RNF213: variants seen among roughly 807,000 people sequenced by gnomAD.
The protein encoded by RNF213 is ring finger protein 213, also known as E3 ubiquitin-protein ligase RNF213.
In RNF213, 341 loss-of-function variants were observed where a neutral mutation model predicts 514.4. The observed-to-expected ratio is 0.66, with a 90% confidence interval of 0.61 to 0.73. The LOEUF (loss-of-function observed/expected upper bound fraction) is 0.73, where lower values mean the gene tolerates loss of function less well. Ranked by LOEUF, RNF213 falls within the 30% of genes least tolerant of loss-of-function variation. The pLI is 0.00. For missense variants in RNF213, 5,767 were observed against 6,615.6 expected (o/e 0.87, Z 4.45); for synonymous variants, 2,655 against 2,658.2 (o/e 1.00, Z 0.04).
chr17:80,396,200 T>G lies in RNF213; in HGVS notation c.*2702T>G, dbSNP rs935219008. On this transcript the variant is annotated 3_prime_UTR_variant, in exon 68 of 68. Transcript: ENST00000582970. Reference sequence around the variant, plus strand: ...TTGCTTGAGCCTGGGAGTTTGAGGCTGCAGTGAGCTATGATTGCACCACTG... The same window carrying G: ...TTGCTTGAGCCTGGGAGTTTGAGGCGGCAGTGAGCTATGATTGCACCACTG... 6.6e-5 allele frequency: 10 copies of G among 152,258 alleles called. No individual in the cohort carries two copies. The highest frequency in any genetic ancestry group is 2.4e-4 in the African/African-American group (10 of 41,426). The allele number at this position is 152,258 out of a possible 1,614,324, so 9.4% of individuals were successfully genotyped here.
chr17:80,372,474 T>C (rs2079553683), intron 47 of RNF213, 47 bp from the exon 48 acceptor site: 1 of 1,404,002 alleles, frequency 7.1e-7, no homozygotes, highest in Non-Finnish European at 1.0e-6. Context: ...GGGGCATCCA[T>C]GTTTAAAAAA....
At position 80,369,559 on chromosome 17, in the gene RNF213, C is replaced by T. The variant is rs562892184; in HGVS notation, c.12213C>T (p.Asp4071=). The T allele has an allele frequency of 2.5e-4, 400 of 1,614,200 alleles. 6 individuals are homozygous for T. In the South Asian group the frequency reaches 4.2e-3, roughly 17 times the overall value. ...AGATGTGCAACAGTTTCTTCGTAGA[C>T]CTGGTGTCCACCATTTGCTTCAAGG... ...FRQMCNSFFV[D]LVSTICFKDN... is the part of the protein sequence containing the mutation. The change falls in exon 45 of 68, where the codon GAC becomes GAT. Residue 4071 remains aspartate (D), a synonymous_variant. Coordinates refer to ENST00000582970, the MANE Select transcript of RNF213 (RefSeq NM_001256071.3).
intron 15 of RNF213, among the ~76,000 whole-genome samples, chr17:80,313,640 G>A (rs2045661689): frequency 2.0e-5 from 3 of 147,898 alleles, no homozygotes; most frequent in African/African-American, 2.6e-5. Context: ...TGATGGTGGT[G>A]ATGGTGATGG....
chr17:80,316,289 C>T (rs2045946578), intron 15 of RNF213: 1 of 152,052 alleles, frequency 6.6e-6, no homozygotes, highest in Non-Finnish European at 1.5e-5. Context: ...TCATGTGTTT[C>T]AACCTCCTAG....
In RNF213 at chr17:80,377,070, G is replaced by A; in HGVS notation, c.13510+107G>A. The A allele has an allele frequency of 1.1e-6, 1 of 878,288 alleles. No homozygotes were observed. Among genetic ancestry groups the A allele is most frequent in the Non-Finnish European group, 1.9e-6 (1 of 539,460 alleles). 54.4% of individuals were successfully genotyped at this position (878,288 alleles called of 1,614,324 possible). On this transcript the variant is annotated intron_variant, in intron 53 of 67. Transcript: ENST00000582970. This position sits in a 1 kb window ranked among gnomAD's most constrained non-coding sequence, Gnocchi z 4.1. ...TGGGGTCCACGTGGTTTGTGCCTCA[G>A]GGTCCAAAACCACCTGCATTCTACC...
intron 18 of RNF213, 99 bp downstream of exon 18, chr17:80,325,297 A>G (rs1309356663): frequency 1.6e-6 from 2 of 1,214,084 alleles, no homozygotes; most frequent in African/African-American, 3.0e-5. Context: ...ATGATACTGA[A>G]TTGGGATGGG....
At chr17:80,325,274 A>G in intron 18 of RNF213, 76 bp downstream of exon 18, 2 of 1,374,852 alleles carry the variant, frequency 1.5e-6, no homozygotes, top group Non-Finnish European at 1.9e-6. Flanking sequence ...TGGGAGGCAG[A>G]AGATTTGACA....
Position 80,347,569 on chromosome 17 carries a change from A to C in RNF213, c.9234A>C (p.Gln3078His). 2 of 1,614,174 alleles carry C rather than the reference A, an allele frequency of 1.2e-6. No homozygotes were observed. The highest frequency in any genetic ancestry group is 1.7e-6 in the Non-Finnish European group (2 of 1,180,048). Reference sequence around the variant, plus strand: ...TTGGTTCTGGTTTCCCCAAGGACCAAGAGTACACCCAGCTCTGCAGAAACA... The same window carrying C: ...TTGGTTCTGGTTTCCCCAAGGACCACGAGTACACCCAGCTCTGCAGAAACA... ...IIFGSGFPKD[Q>H]EYTQLCRNIN... Residue 3078 changes from glutamine to histidine, a missense_variant, in exon 29 of 68, where the codon CAA (glutamine) becomes CAC (histidine). Gln to His is a conservative substitution (Grantham distance 24). Transcript: ENST00000582970. This position sits in a 1 kb window ranked among gnomAD's most constrained non-coding sequence, Gnocchi z 7.2.
In RNF213 at chr17:80,359,967, G is replaced by C. The variant is rs2078994066; in HGVS notation, c.11055-94G>C. On this transcript the variant is annotated intron_variant, in intron 37 of 67. Transcript: ENST00000582970. ...GCCTGTTGGCCCCTTTGTTTTTGAG[G>C]TCTGAGAAGAGCTGGCATCAGTGGC... 9 of 1,349,496 alleles carry C rather than the reference G, an allele frequency of 6.7e-6. No homozygotes were observed. The South Asian group carries it at 1.1e-4, about 16-fold the overall frequency. 83.6% of individuals were successfully genotyped at this position (1,349,496 alleles called of 1,614,324 possible).
chr17:80,364,595 C>T (rs772180083), intron 42 of RNF213, 42 bp downstream of exon 42: 13 of 1,613,342 alleles, frequency 8.1e-6, no homozygotes, highest in Non-Finnish European at 1.0e-5. Flanking sequence ...CGGATCCACC[C>T]TTTTCCGAAA....
At chr17:80,326,268 G>A (rs2046279370) in intron 18 of RNF213, among the ~76,000 whole-genome samples, 1 of 152,214 alleles carries the variant, frequency 6.6e-6, no homozygotes, top group Non-Finnish European at 1.5e-5. Flanking sequence ...GGCACTCCAG[G>A]CGTGCACCAC....
chr17:80,347,882 T>C lies in RNF213; in HGVS notation c.9547T>C (p.Trp3183Arg), dbSNP rs748258154. ...GGATATCAACACGGTGCTGGAGAAA[T>C]GGCAGAAGAGCATCGTGGAGGAGCT... ...YLDINTVLEK[W>R]QKSIVEELCA... The change falls in exon 29 of 68, where the codon TGG (tryptophan) becomes CGG (arginine). Residue 3183 changes from tryptophan to arginine, a missense_variant. Coordinates refer to ENST00000582970, the MANE Select transcript of RNF213 (RefSeq NM_001256071.3). The surrounding 1 kb of genome is among the most constrained non-coding windows in gnomAD (Gnocchi z 7.2). The C allele has an allele frequency of 3.7e-6, 6 of 1,614,076 alleles. No individual in the cohort carries two copies. In the East Asian group the frequency reaches 1.3e-4, roughly 36 times the overall value.
At chr17:80,277,942 A>T (rs1056624137) in intron 3 of RNF213, among the ~76,000 whole-genome samples, 1 of 152,194 alleles carries the variant, frequency 6.6e-6, no homozygotes. Context: ...GGGTGGGTGG[A>T]GAGGGAAAGG....
chr17:80,340,180 A>G lies in RNF213; in HGVS notation c.5813A>G (p.Tyr1938Cys), dbSNP rs1599058468. ...MVCDGDWEHC[Y>C]LPSAFSQHKV... ...TGTGATGGGGACTGGGAGCACTGCT[A>G]CCTCCCCTCTGCCTTCAGCCAGCAC... The change falls in exon 26 of 68, where the codon TAC becomes TGC. Residue 1938 changes from tyrosine to cysteine, a missense_variant. By Grantham distance (194) the Tyr-to-Cys change is radical. Transcript: ENST00000582970. The G allele has an allele frequency of 3.1e-6, 5 of 1,612,414 alleles. No homozygotes were observed. In the East Asian group the frequency reaches 1.1e-4, roughly 36 times the overall value.
rs964983229 is a variant in RNF213 at position 80,294,752 on chromosome 17, A to C, written c.1504A>C (p.Lys502Gln). The C allele has an allele frequency of 3.1e-6, 5 of 1,613,976 alleles. No homozygotes were observed. Among genetic ancestry groups the C allele is most frequent in the African/African-American group, 2.7e-5 (2 of 74,892 alleles). The change falls in exon 9 of 68, where the codon AAG becomes CAG. Residue 502 changes from lysine to glutamine, a missense_variant. This residue lies in a region of RNF213 where 592 missense variants were observed against 673.9 expected (regional missense o/e 0.88). Transcript: ENST00000582970. ...WHQYYDIVYM[K>Q]PHGRLQKVMN... ...TCAGTACTATGACATAGTTTATATG[A>C]AGCCTCATGGGAGACTCCAGAAAGT...
intron 10 of RNF213, 34 bp downstream of exon 10, chr17:80,295,847 G>A (rs2044922470): frequency 1.2e-6 from 2 of 1,610,814 alleles, no homozygotes; most frequent in South Asian, 1.1e-5. Flanking sequence ...GTTTTTTATA[G>A]CTATTATAAT....
intron 2 of RNF213, among the ~76,000 whole-genome samples, chr17:80,269,475 TTCTA>T (rs767938713): frequency 3.0e-4 from 45 of 149,818 alleles, no homozygotes; most frequent in Middle Eastern, 3.4e-3. Flanking sequence ...CATTCATCTA[TTCTA>T]TCTATCCATC....
rs750723932 is a variant in RNF213, at chr17:80,347,329, C to CT, written c.8997dup (p.Leu3000SerfsTer39). ...AGGATGACATCCAAGCTTTGGACAT[C>CT]TTTCTGGCCAATTTGCCCGAGGCCA... On this transcript the variant is annotated frameshift_variant, in exon 29 of 68. Transcript: ENST00000582970. LOFTEE classifies it high-confidence loss of function. The surrounding 1 kb of genome is among the most constrained non-coding windows in gnomAD (Gnocchi z 7.2). The CT allele has an allele frequency of 1.2e-6, 2 of 1,614,020 alleles. No homozygotes were observed. The highest frequency in any genetic ancestry group is 1.7e-6 in the Non-Finnish European group (2 of 1,180,024).
chr17:80,388,456 G>T lies in RNF213; in HGVS notation c.14923-156G>T, dbSNP rs916120803. 1.3e-5 allele frequency: 9 copies of T among 687,926 alleles called. No homozygotes were observed. In the African/African-American group the frequency reaches 1.6e-4, roughly 12 times the overall value. 42.6% of individuals were successfully genotyped at this position (687,926 alleles called of 1,614,324 possible). A position where few individuals can be genotyped will look rare whatever the true frequency, so the allele number is the denominator to read the frequency against. On this transcript the variant is annotated intron_variant, in intron 63 of 67. Transcript: ENST00000582970. ...GGTTGTGTTACTATTTCCATAGATG[G>T]TGGGTTAATGACGGAGAGGGGCGCT...
Sources: allele counts gnomAD v4.1 joint callset (sites outside exome capture counted in the v4.1 genomes callset), GRCh38; gene constraint gnomAD v4.1.1; regional missense constraint gnomAD v4.1.1; non-coding constraint Gnocchi (gnomAD v3.1); transcripts MANE v1.5; gene names NCBI Gene and HGNC (gene_info 2026-07-23, HGNC 2026-07-21).